The following QSOX2 variants were observed in gnomAD, a reference collection of about 807,000 sequenced individuals.
The protein encoded by QSOX2 is quiescin sulfhydryl oxidase 2.
Under a neutral mutation model 61.7 loss-of-function variants are expected in QSOX2, and 46 were observed. The ratio of observed to expected loss-of-function variants is 0.75; its 90% confidence interval spans 0.59 to 0.95. The LOEUF (loss-of-function observed/expected upper bound fraction) is 0.95, where lower values mean the gene tolerates loss of function less well. Among genes scored for constraint, QSOX2 ranks in the 40% least tolerant of loss-of-function variants. The pLI is 0.00. For missense variants in QSOX2, 879 were observed against 918.9 expected, an observed-to-expected ratio of 0.96 and a Z score of 0.56; for synonymous variants, 383 against 388.4, an observed-to-expected ratio of 0.99 and a Z score of 0.16.
rs398046934 is a variant in QSOX2 at position 136,213,243 on chromosome 9, GTTTTTTTTTTTT to G, written c.1361-1803_1361-1792del. ...CACGCTTCAGAAGCAGTTTTGTTGTGTTTTTTTTTTTTTTTTTTTTTTGAGACAGTCTTGCTG... is the reference window on the plus strand; with the variant it reads ...CACGCTTCAGAAGCAGTTTTGTTGTGTTTTTTTTTTGAGACAGTCTTGCTG... On this transcript the variant is annotated intron_variant, in intron 10 of 11. Transcript: ENST00000358701. Among the ~76,000 whole-genome samples, 405 of 111,032 alleles carry G rather than the reference GTTTTTTTTTTTT, an allele frequency of 3.6e-3. 2 individuals are homozygous for G. The highest frequency in any genetic ancestry group is 5.8e-3 in the Non-Finnish European group (324 of 55,840). 72.8% of individuals were successfully genotyped at this position (111,032 alleles called of 152,430 possible).
intron 9 of QSOX2, among the ~76,000 whole-genome samples, chr9:136,216,331 C>T (rs1027601603): frequency 5.3e-5 from 8 of 152,260 alleles, no homozygotes; most frequent in East Asian, 1.9e-4. Flanking sequence ...CCAACTACTA[C>T]GTTGCTTGAG....
chr9:136,225,794 G>A (rs1406017934), intron 2 of QSOX2, among the ~76,000 whole-genome samples: 1 of 152,278 alleles, frequency 6.6e-6, no homozygotes, highest in Non-Finnish European at 1.5e-5. Context: ...CCCATCCAAT[G>A]AGCATCGTAG....
rs1831871581 is a variant in QSOX2, at chr9:136,213,358, T to G, written c.1360+1796A>C. Among the ~76,000 whole-genome samples, 10 of 150,914 alleles carry G rather than the reference T, an allele frequency of 6.6e-5. No homozygotes were observed. In the Admixed American group the frequency reaches 6.6e-4, roughly 10 times the overall value. On this transcript the variant is annotated intron_variant, in intron 10 of 11. Transcript: ENST00000358701. The stretch of plus-strand genomic sequence containing the variant: ...GCTGGGATTACAGGTGTGAGCCTTG[T>G]GCACAGCTCAGAATCAGATTTACAT...
chr9:136,215,321 C>CA lies in QSOX2; in HGVS notation c.1210-18dup, dbSNP rs773896982. 9.5e-6 allele frequency: 15 copies of CA among 1,585,864 alleles called. No homozygotes were observed. Among genetic ancestry groups the CA allele is most frequent in the South Asian group, 1.2e-5 (1 of 86,266 alleles). On this transcript the variant is annotated splice_polypyrimidine_tract_variant and intron_variant, in intron 9 of 11. Transcript: ENST00000358701. Reference sequence around the variant, plus strand: ...TCCAGAAATCTGAAAAACAAACAAACAAAAAAACCCCAAAGAATAAAAGAT... The same window carrying CA: ...TCCAGAAATCTGAAAAACAAACAAACAAAAAAAACCCCAAAGAATAAAAGAT...
intron 1 of QSOX2, among the ~76,000 whole-genome samples, chr9:136,238,643 T>C (rs979347252): frequency 6.6e-6 from 1 of 152,212 alleles, no homozygotes; most frequent in Admixed American, 6.5e-5. Flanking sequence ...CTGGCCTCTC[T>C]CACACATCCC....
rs760397530 is a variant in QSOX2, at chr9:136,221,899, G to A, written c.718C>T (p.Arg240Ter). The change falls in exon 6 of 12, where the codon CGA (arginine) becomes TGA (stop). Residue 240 changes from arginine to a stop codon, truncating the protein, a stop_gained. Transcript: ENST00000358701. LOFTEE classifies it high-confidence loss of function. The surrounding 1 kb of genome is among the most constrained non-coding windows in gnomAD (Gnocchi z 4.5). ...LIPYESIVVT[R>*]ALDGDKAFLE... Reference sequence around the variant, plus strand: ...AATGCTTTGTCCCCGTCCAGTGCTCGGGTCACCACGATGCTTTCATACGGG... The same window carrying A: ...AATGCTTTGTCCCCGTCCAGTGCTCAGGTCACCACGATGCTTTCATACGGG... 12 of 1,611,264 alleles carry A rather than the reference G, an allele frequency of 7.4e-6. No homozygotes were observed. The highest frequency in any genetic ancestry group is 4.5e-5 in the East Asian group (2 of 44,766).
At chr9:136,241,686 T>G (rs777224717) in intron 1 of QSOX2, among the ~76,000 whole-genome samples, 1 of 152,230 alleles carries the variant, frequency 6.6e-6, no homozygotes, top group Non-Finnish European at 1.5e-5. Flanking sequence ...ACCTGCAACA[T>G]GAGCGCCCCC....
chr9:136,212,039 G>GGCAGGCACAGGGACGGGT (rs1831852868), intron 10 of QSOX2, among the ~76,000 whole-genome samples: 1 of 152,234 alleles, frequency 6.6e-6, no homozygotes. Context: ...GGAGCAGGTG[G>GGCAGGCACAGGGACGGGT]GCAGGCACAG....
intron 1 of QSOX2, among the ~76,000 whole-genome samples, chr9:136,242,060 T>C (rs2131071817): frequency 6.6e-6 from 1 of 152,364 alleles, no homozygotes; most frequent in South Asian, 2.1e-4. Context: ...CAGGCAGATC[T>C]TCAGGAACCC....
At chr9:136,231,312 TC>T (rs1351927699) in intron 1 of QSOX2, among the ~76,000 whole-genome samples, 1 of 152,104 alleles carries the variant, frequency 6.6e-6, no homozygotes, top group Non-Finnish European at 1.5e-5. Context: ...GAATGAAGAC[TC>T]CCCGTCACGC....
Position 136,208,271 on chromosome 9 carries a change from G to GGA in QSOX2, c.*456_*457insTC, listed in dbSNP as rs1831796892. 3 of 73,886 alleles carry GGA rather than the reference G, an allele frequency of 4.1e-5. No individual in the cohort carries two copies. Among genetic ancestry groups the GGA allele is most frequent in the Admixed American group, 3.7e-4 (3 of 8,130 alleles). 4.6% of individuals were successfully genotyped at this position (73,886 alleles called of 1,614,324 possible). A position where few individuals can be genotyped will look rare whatever the true frequency, so the allele number is the denominator to read the frequency against. ...GAGCAGGGGGCGTGGGGGGAGCGGG[G>GGA]GGAGGGGGAGCGAGGGGAGTGGGGG... On this transcript the variant is annotated 3_prime_UTR_variant, in exon 12 of 12. Transcript: ENST00000358701.
intron 1 of QSOX2, among the ~76,000 whole-genome samples, chr9:136,237,234 G>A (rs1830393072): frequency 7.1e-6 from 1 of 141,672 alleles, no homozygotes; most frequent in Non-Finnish European, 1.5e-5. Flanking sequence ...AGCCTGTCCT[G>A]TGCCACACCT....
At chr9:136,233,457 G>A (rs867999186) in intron 1 of QSOX2, among the ~76,000 whole-genome samples, 4 of 152,196 alleles carry the variant, frequency 2.6e-5, no homozygotes, top group Admixed American at 1.3e-4. Context: ...TCTCAGGACG[G>A]CCAACACGGT....
At position 136,216,669 on chromosome 9, in the gene QSOX2, C is replaced by G; in HGVS notation, c.1140G>C (p.Trp380Cys). 1 of 1,613,940 alleles carries G rather than the reference C, an allele frequency of 6.2e-7. No homozygotes were observed. Among genetic ancestry groups the G allele is most frequent in the Non-Finnish European group, 8.5e-7 (1 of 1,179,982 alleles). ...VKKLLEMLQE[W>C]LASLPLDRIP... ...TCCTGTCCAGGGGAAGGCTGGCCAG[C>G]CACTCCTGCAGCATCTCCAACAGCT... The change falls in exon 9 of 12, where the codon TGG (tryptophan) becomes TGC (cysteine). Residue 380 changes from tryptophan (W) to cysteine (C), a missense_variant. Coordinates refer to ENST00000358701, the MANE Select transcript of QSOX2 (RefSeq NM_181701.4).
At position 136,223,557 on chromosome 9, in the gene QSOX2, G is replaced by A. The variant is rs1830246341; in HGVS notation, c.675+206C>T. 1.3e-5 allele frequency among the ~76,000 whole-genome samples: 2 copies of A among 152,104 alleles called. No homozygotes were observed. The highest frequency in any genetic ancestry group is 4.8e-5 in the African/African-American group (2 of 41,390). ...CCTTCTGAACCCCTCCCACCGCCAAGCTCATTCATCCTAACAGTCTTCTCC... is the reference window on the plus strand; with the variant it reads ...CCTTCTGAACCCCTCCCACCGCCAAACTCATTCATCCTAACAGTCTTCTCC... On this transcript the variant is annotated intron_variant, in intron 5 of 11. Transcript: ENST00000358701. This position sits in a 1 kb window ranked among gnomAD's most constrained non-coding sequence, Gnocchi z 4.4.
At chr9:136,234,334 T>C (rs763616618) in intron 1 of QSOX2, among the ~76,000 whole-genome samples, 1 of 152,162 alleles carries the variant, frequency 6.6e-6, no homozygotes, top group African/African-American at 2.4e-5. Context: ...AGTCGCAGGT[T>C]ATATACACAT....
chr9:136,214,396 A>C (rs1038141563), intron 10 of QSOX2, among the ~76,000 whole-genome samples: 14 of 152,158 alleles, frequency 9.2e-5, no homozygotes, highest in African/African-American at 3.1e-4. Flanking sequence ...ACTGACTAGT[A>C]AGCAGAATCT....
intron 10 of QSOX2, among the ~76,000 whole-genome samples, chr9:136,212,528 G>C (rs1243165690): frequency 1.3e-5 from 2 of 152,212 alleles, no homozygotes; most frequent in African/African-American, 2.4e-5. Context: ...CCAGAAAGGT[G>C]AGAGCAGAGC....
In QSOX2 at chr9:136,218,817, G is replaced by A. The variant is rs1831945932; in HGVS notation, c.957-9C>T. 2 of 1,610,342 alleles carry A rather than the reference G, an allele frequency of 1.2e-6. No individual in the cohort carries two copies. The highest frequency in any genetic ancestry group is 1.1e-5 in the South Asian group (1 of 90,946). Reference sequence around the variant, plus strand: ...CCGTGTACAGCTTCGACCTAGGACGGGATATGGCAGCGTCAGGGAATGCCC... The same window carrying A: ...CCGTGTACAGCTTCGACCTAGGACGAGATATGGCAGCGTCAGGGAATGCCC... On this transcript the variant is annotated splice_polypyrimidine_tract_variant and intron_variant, in intron 7 of 11. Coordinates refer to ENST00000358701, the MANE Select transcript of QSOX2 (RefSeq NM_181701.4).
Sources: allele counts gnomAD v4.1 joint callset (sites outside exome capture counted in the v4.1 genomes callset), GRCh38; gene constraint gnomAD v4.1.1; non-coding constraint Gnocchi (gnomAD v3.1); transcripts MANE v1.5; gene names NCBI Gene and HGNC (gene_info 2026-07-23, HGNC 2026-07-21).